The following ARHGEF6 variants were observed in gnomAD, a reference collection of about 807,000 sequenced individuals.
ARHGEF6 encodes the protein rho guanine nucleotide exchange factor 6.
ARHGEF6 carries 9 observed loss-of-function variants against 70.3 expected under a neutral mutation model. That is an observed-to-expected ratio of 0.13 (90% CI 0.08 to 0.22). ARHGEF6 has a LOEUF of 0.22. ARHGEF6 is among the 10% of genes least tolerant of loss of function. ARHGEF6 has a pLI of 1.00. For synonymous variants in ARHGEF6, 201 were observed against 207.8 expected, an observed-to-expected ratio of 0.97 and a Z score of 0.28; for missense variants, 470 against 563.0, an observed-to-expected ratio of 0.83 and a Z score of 1.67.
At chrX:136,679,088 T>A (rs2076307286) in intron 16 of ARHGEF6, among the ~76,000 whole-genome samples, 1 of 112,362 alleles carries the variant, frequency 8.9e-6, no homozygotes, top group Non-Finnish European at 1.9e-5. Flanking sequence ...CAAATATCAC[T>A]TTTATAGTTT....
intron 7 of ARHGEF6, among the ~76,000 whole-genome samples, chrX:136,709,074 T>C (rs1157172886): frequency 2.7e-5 from 3 of 112,169 alleles, no homozygotes; most frequent in African/African-American, 9.7e-5. Flanking sequence ...AAATACATCA[T>C]AGCTGTGAAT....
At chrX:136,757,612 T>C (rs950370036) in intron 2 of ARHGEF6, among the ~76,000 whole-genome samples, 47 of 110,815 alleles carry the variant, frequency 4.2e-4, no homozygotes, top group African/African-American at 1.3e-3. Context: ...TCCAAATCAC[T>C]CCCTTCCATG....
rs936920662 is a variant in ARHGEF6, at chrX:136,679,650, G to A, written c.1715C>T (p.Ser572Phe). 1 of 1,211,662 alleles carries A rather than the reference G, an allele frequency of 8.3e-7. No homozygotes were observed. The highest frequency in any genetic ancestry group is 1.1e-6 in the Non-Finnish European group (1 of 895,291). ...SSCSAHSSFS[S>F]TGQPRGPLEP... The stretch of plus-strand genomic sequence containing the variant: ...CAAGGGTCCTCGGGGCTGTCCGGTA[G>A]AGCTAAAAGACTGGGAAAATGTCTG... The change falls in exon 16 of 22, where the codon TCT becomes TTT. Residue 572 changes from serine to phenylalanine, a missense_variant. Transcript: ENST00000250617.
intron 2 of ARHGEF6, among the ~76,000 whole-genome samples, chrX:136,765,379 G>C (rs1051169474): frequency 8.9e-6 from 1 of 112,203 alleles, no homozygotes; most frequent in African/African-American, 3.2e-5. Context: ...TGTTATACTT[G>C]GACTAATGAT....
intron 6 of ARHGEF6, among the ~76,000 whole-genome samples, chrX:136,721,154 A>G (rs1372887885): frequency 8.9e-6 from 1 of 112,584 alleles, no homozygotes; most frequent in East Asian, 2.8e-4. Flanking sequence ...TCCAAAAATA[A>G]AAATAAAACC....
intron 6 of ARHGEF6, among the ~76,000 whole-genome samples, chrX:136,727,369 CTTTCTTTCTTTCTTTCTTTCTT>C (rs2076871283): frequency 6.0e-5 from 4 of 67,152 alleles, no homozygotes; most frequent in Admixed American, 1.8e-4. Context: ...TTCTTTCTTT[CTTTCTTTCTTTCTTTCTTTCTT>C]TCTTTCTCTC....
Position 136,708,658 on chromosome X carries a change from A to C in ARHGEF6, c.923+17T>G. The C allele has an allele frequency of 8.5e-7, 1 of 1,180,177 alleles. No individual in the cohort carries two copies. Among genetic ancestry groups the C allele is most frequent in the Non-Finnish European group, 1.2e-6 (1 of 868,440 alleles). On this transcript the variant is annotated intron_variant, in intron 8 of 21. Transcript: ENST00000250617. ...GCAATGTTGCTGGCTATCCTATCAG[A>C]AATATGCCACACTTACTTTGAACAT...
At chrX:136,767,883 T>C in intron 2 of ARHGEF6, 5 of 657,223 alleles carry the variant, frequency 7.6e-6, no homozygotes, top group Non-Finnish European at 9.1e-6. Flanking sequence ...CTGGTAGCTG[T>C]GGCAGCAGCA....
intron 10 of ARHGEF6, among the ~76,000 whole-genome samples, chrX:136,688,664 A>G (rs1826871375): frequency 9.0e-6 from 1 of 111,425 alleles, no homozygotes; most frequent in Non-Finnish European, 1.9e-5. Flanking sequence ...TCTCAAAACA[A>G]ACAAACAAAC....
intron 2 of ARHGEF6, among the ~76,000 whole-genome samples, chrX:136,771,327 T>C (rs2077361808): frequency 8.9e-6 from 1 of 112,564 alleles, no homozygotes; most frequent in Non-Finnish European, 1.9e-5. Context: ...TGGCCTTTTT[T>C]GTAGAAATTG....
At chrX:136,736,100 G>T (rs1245402182) in intron 5 of ARHGEF6, among the ~76,000 whole-genome samples, 1 of 111,828 alleles carries the variant, frequency 8.9e-6, no homozygotes, top group Non-Finnish European at 1.9e-5. Context: ...TAAAAATTTT[G>T]CCAGGAAATT....
At position 136,736,618 on chromosome X, in the gene ARHGEF6, G is replaced by GAT. The variant is rs58741198; in HGVS notation, c.662-4447_662-4446insAT. ...CAGCCACAAGCTCATGTTAAAAAGAGGTGTGTGTGTGTGTGTGTGTGTGTG... is the reference window on the plus strand; with the variant it reads ...CAGCCACAAGCTCATGTTAAAAAGAGATGTGTGTGTGTGTGTGTGTGTGTGTG... On this transcript the variant is annotated intron_variant, in intron 5 of 21. Transcript: ENST00000250617. 7.8e-3 allele frequency among the ~76,000 whole-genome samples: 811 copies of GAT among 103,606 alleles called. 7 individuals are homozygous for GAT. The highest frequency in any genetic ancestry group is 0.019 in the East Asian group (65 of 3,338). 90.0% of individuals were successfully genotyped at this position (103,606 alleles called of 115,157 possible).
intron 19 of ARHGEF6, among the ~76,000 whole-genome samples, chrX:136,673,205 C>A (rs1379854520): frequency 4.5e-5 from 5 of 112,106 alleles, no homozygotes; most frequent in Non-Finnish European, 7.5e-5. Flanking sequence ...AGCAAATGCT[C>A]CACCATTTTA....
At chrX:136,743,163 G>C (rs1032009931) in intron 5 of ARHGEF6, among the ~76,000 whole-genome samples, 1 of 111,518 alleles carries the variant, frequency 9.0e-6, no homozygotes, top group African/African-American at 3.3e-5. Flanking sequence ...TCTCATGTCT[G>C]AGGCATTTAG....
chrX:136,769,280 C>T (rs963259538), intron 2 of ARHGEF6, among the ~76,000 whole-genome samples: 7 of 110,213 alleles, frequency 6.4e-5, no homozygotes, highest in Admixed American at 1.9e-4. Context: ...GGCATGATGG[C>T]GGGCACCTGT....
intron 2 of ARHGEF6, among the ~76,000 whole-genome samples, chrX:136,777,234 A>C (rs934336056): frequency 5.4e-5 from 6 of 111,871 alleles, no homozygotes; most frequent in Non-Finnish European, 1.1e-4. Context: ...CAAAAAACAA[A>C]ACAAAACAAA....
chrX:136,751,085 C>T (rs1035300967), intron 2 of ARHGEF6, among the ~76,000 whole-genome samples: 2 of 111,821 alleles, frequency 1.8e-5, no homozygotes, highest in African/African-American at 6.5e-5. Context: ...GAGCCACCTA[C>T]CTCAGCCTGC....
chrX:136,768,829 A>G (rs2077341871), intron 2 of ARHGEF6, among the ~76,000 whole-genome samples: 2 of 110,882 alleles, frequency 1.8e-5, no homozygotes, highest in South Asian at 7.7e-4. Flanking sequence ...CCATCCCACA[A>G]GCCTCACTTT....
chrX:136,730,820 G>T (rs2076928008), intron 6 of ARHGEF6, among the ~76,000 whole-genome samples: 1 of 111,399 alleles, frequency 9.0e-6, no homozygotes, highest in South Asian at 3.8e-4. Context: ...AATTCCATGA[G>T]AATCACAGAG....
Sources: allele counts gnomAD v4.1 joint callset (sites outside exome capture counted in the v4.1 genomes callset), GRCh38; gene constraint gnomAD v4.1.1; transcripts MANE v1.5; gene names NCBI Gene and HGNC (gene_info 2026-07-23, HGNC 2026-07-21).